Variants in FCHSD2 observed in about 807,000 individuals in gnomAD.
FCHSD2 encodes the protein F-BAR and double SH3 domains protein 2.
In FCHSD2, 38 loss-of-function variants were observed where a neutral mutation model predicts 108.1. That is an observed-to-expected ratio of 0.35 (90% CI 0.27 to 0.46). FCHSD2 has a LOEUF of 0.46. Ranked by LOEUF, FCHSD2 falls within the 20% of genes least tolerant of loss-of-function variation. The pLI is 1.00. For missense variants in FCHSD2, 751 were observed against 897.8 expected (o/e 0.84, Z 2.09); for synonymous variants, 279 against 314.7 (o/e 0.89, Z 1.20).
At chr11:73,126,183 T>C (rs553329952) in intron 2 of FCHSD2, among the ~76,000 whole-genome samples, 1 of 151,060 alleles carries the variant, frequency 6.6e-6, no homozygotes, top group African/African-American at 2.4e-5. Flanking sequence ...CTACTAAAAA[T>C]ACAAAAATTA....
chr11:72,988,925 T>C, intron 6 of FCHSD2, 39 bp downstream of exon 6: 5 of 1,552,970 alleles, frequency 3.2e-6, no homozygotes, highest in Non-Finnish European at 4.4e-6. Flanking sequence ...ATAACATTTA[T>C]TTGCATAATA....
intron 8 of FCHSD2, among the ~76,000 whole-genome samples, chr11:72,980,512 T>C (rs1857192032): frequency 6.6e-6 from 1 of 151,592 alleles, no homozygotes; most frequent in Non-Finnish European, 1.5e-5. Flanking sequence ...ACAAAGAAAA[T>C]GAGAAAGGAT....
At chr11:72,946,858 G>T (rs898136946) in intron 8 of FCHSD2, among the ~76,000 whole-genome samples, 2 of 152,298 alleles carry the variant, frequency 1.3e-5, no homozygotes, top group African/African-American at 4.8e-5. Flanking sequence ...TCAAGCTTAA[G>T]TAAACATTCA....
At chr11:73,064,095 C>T (rs2135490966) in intron 3 of FCHSD2, among the ~76,000 whole-genome samples, 1 of 152,224 alleles carries the variant, frequency 6.6e-6, no homozygotes, top group Non-Finnish European at 1.5e-5. Flanking sequence ...TCTCTCAGGC[C>T]ACAGTGCAAT....
intron 17 of FCHSD2, 52 bp from the exon 18 acceptor site, chr11:72,841,635 C>G: frequency 6.6e-7 from 1 of 1,519,266 alleles, no homozygotes; most frequent in Non-Finnish European, 8.8e-7. Context: ...GGAAGGAGAG[C>G]CTGGCTGCTT....
chr11:73,024,165 A>T (rs947867831), intron 3 of FCHSD2, among the ~76,000 whole-genome samples: 14 of 149,082 alleles, frequency 9.4e-5, no homozygotes, highest in South Asian at 4.2e-4. Flanking sequence ...TACGTAAATT[A>T]AAAAAAATCT....
intron 10 of FCHSD2, among the ~76,000 whole-genome samples, chr11:72,899,395 A>G (rs1229106454): frequency 6.6e-6 from 1 of 152,162 alleles, no homozygotes; most frequent in Non-Finnish European, 1.5e-5. Context: ...GAAGATACTC[A>G]ACATCATTAG....
chr11:72,924,696 T>A (rs191721309), intron 8 of FCHSD2, among the ~76,000 whole-genome samples: 1,927 of 151,122 alleles, frequency 0.013, 12 homozygotes, highest in African/African-American at 0.015. Context: ...TTTTTTTTTT[T>A]AAATACACAA....
At chr11:73,050,059 C>G (rs1172027038) in intron 3 of FCHSD2, among the ~76,000 whole-genome samples, 1 of 152,138 alleles carries the variant, frequency 6.6e-6, no homozygotes, top group Non-Finnish European at 1.5e-5. Flanking sequence ...AGTCAGTAAA[C>G]TTTTCTGTAA....
At chr11:73,074,600 A>G (rs1301457640) in intron 3 of FCHSD2, among the ~76,000 whole-genome samples, 4 of 152,224 alleles carry the variant, frequency 2.6e-5, no homozygotes, top group Admixed American at 2.6e-4. Context: ...TAAAAGAAAA[A>G]AAATATATTT....
intron 14 of FCHSD2, among the ~76,000 whole-genome samples, chr11:72,849,032 A>C (rs1435137025): frequency 6.6e-6 from 1 of 152,228 alleles, no homozygotes; most frequent in African/African-American, 2.4e-5. Flanking sequence ...GGAATCACTG[A>C]TATTGAGGTT....
At chr11:73,097,602 C>A (rs1310550884) in intron 2 of FCHSD2, among the ~76,000 whole-genome samples, 1 of 133,110 alleles carries the variant, frequency 7.5e-6, no homozygotes, top group African/African-American at 2.8e-5. Flanking sequence ...CCTATTATTT[C>A]TTGTGAGGTG....
intron 3 of FCHSD2, among the ~76,000 whole-genome samples, chr11:73,033,153 T>C (rs897814806): frequency 6.6e-6 from 1 of 151,866 alleles, no homozygotes; most frequent in African/African-American, 2.4e-5. Flanking sequence ...CTGGGCATGG[T>C]GGCGGGCACC....
At position 73,003,728 on chromosome 11, in the gene FCHSD2, C is replaced by T. The variant is rs192639454; in HGVS notation, c.243-2594G>A. On this transcript the variant is annotated intron_variant, in intron 4 of 19. Coordinates refer to ENST00000409418, the MANE Select transcript of FCHSD2 (RefSeq NM_014824.3). ...GTCTCGATCTCCTGACCTCGTGATC[C>T]GCCCGCCTCGGCCTCCCAAAGTGCT... 2.6e-4 allele frequency among the ~76,000 whole-genome samples: 40 copies of T among 151,388 alleles called. 1 individual carries two copies. The highest frequency in any genetic ancestry group is 7.4e-5 in the Non-Finnish European group (5 of 67,820).
intron 4 of FCHSD2, 88 bp downstream of exon 4, chr11:73,015,721 T>C (rs1857957090): frequency 1.4e-6 from 1 of 705,406 alleles, no homozygotes; most frequent in African/African-American, 1.9e-5. Context: ...GTAATTCTTT[T>C]AAAAACTAGA....
chr11:73,031,472 G>GA (rs374321963), intron 3 of FCHSD2, among the ~76,000 whole-genome samples: 3 of 149,670 alleles, frequency 2.0e-5, no homozygotes, highest in South Asian at 4.2e-4. Flanking sequence ...CCCTGTCTCC[G>GA]AAAAAAAAAG....
chr11:72,870,048 G>A (rs964161493), intron 12 of FCHSD2, among the ~76,000 whole-genome samples: 1 of 152,010 alleles, frequency 6.6e-6, no homozygotes, highest in Non-Finnish European at 1.5e-5. Context: ...CTGTTCCTCT[G>A]ATCCATCATG....
intron 3 of FCHSD2, among the ~76,000 whole-genome samples, chr11:73,032,893 A>C (rs1015348508): frequency 2.0e-5 from 3 of 152,154 alleles, no homozygotes; most frequent in Non-Finnish European, 4.4e-5. Context: ...GGACTACCTT[A>C]AGACAACAGG....
At position 72,902,527 on chromosome 11, in the gene FCHSD2, T is replaced by C. The variant is rs777288191; in HGVS notation, c.924+16A>G. 6.6e-7 allele frequency: 1 copy of C among 1,515,206 alleles called. No homozygotes were observed. Among genetic ancestry groups the C allele is most frequent in the Non-Finnish European group, 9.0e-7 (1 of 1,111,064 alleles). 93.9% of individuals were successfully genotyped at this position (1,515,206 alleles called of 1,614,324 possible). Reference sequence around the variant, plus strand: ...AACTGAACAACACATGAAATGAAAATCTATAATTCCCTTACAGTATCACTG... The same window carrying C: ...AACTGAACAACACATGAAATGAAAACCTATAATTCCCTTACAGTATCACTG... On this transcript the variant is annotated intron_variant, in intron 10 of 19. Transcript: ENST00000409418.
Sources: gnomAD v4.1 joint callset for allele counts (sites outside exome capture counted in the v4.1 genomes callset) on GRCh38, gnomAD v4.1.1 for gene constraint, MANE v1.5 for transcripts, NCBI Gene and HGNC (gene_info 2026-07-23, HGNC 2026-07-21) for gene names.